Variants in KIF2A observed in about 807,000 individuals in gnomAD.
KIF2A encodes kinesin-like protein KIF2A.
KIF2A carries 22 observed loss-of-function variants against 100.2 expected under a neutral mutation model. The ratio of observed to expected loss-of-function variants is 0.22; its 90% CI spans 0.16 to 0.31. The LOEUF (loss-of-function observed/expected upper bound fraction) is 0.31, where lower values mean the gene tolerates loss of function less well. Among genes scored for constraint, KIF2A ranks in the 10% least tolerant of loss-of-function variants. The pLI is 1.00. For missense variants in KIF2A, 495 were observed against 898.7 expected (o/e 0.55, Z 5.74); for synonymous variants, 268 against 285.9 (o/e 0.94, Z 0.63).
At chr5:62,357,070 C>T (rs186083468) in intron 7 of KIF2A, among the ~76,000 whole-genome samples, 6 of 146,284 alleles carry the variant, frequency 4.1e-5, no homozygotes. Context: ...ACCCACCATG[C>T]CTGGCATCAC....
intron 18 of KIF2A, among the ~76,000 whole-genome samples, chr5:62,376,792 G>C (rs1026756160): frequency 3.9e-5 from 6 of 152,010 alleles, no homozygotes; most frequent in African/African-American, 1.5e-4. Flanking sequence ...CCTGGAATCA[G>C]AGAAGCTCTG....
At chr5:62,384,105 C>T (rs1000107834) in intron 20 of KIF2A, among the ~76,000 whole-genome samples, 1 of 152,076 alleles carries the variant, frequency 6.6e-6, no homozygotes, top group East Asian at 1.9e-4. Context: ...GGCATGGTGG[C>T]ACATGCCTGT....
chr5:62,329,135 C>G (rs558553744), intron 1 of KIF2A, among the ~76,000 whole-genome samples: 6 of 152,086 alleles, frequency 3.9e-5, no homozygotes, highest in Non-Finnish European at 8.8e-5. Flanking sequence ...CTCCTTGTTC[C>G]AAACTTTCAG....
intron 3 of KIF2A, among the ~76,000 whole-genome samples, chr5:62,349,025 C>G (rs1024590562): frequency 1.3e-5 from 2 of 152,012 alleles, no homozygotes; most frequent in Non-Finnish European, 2.9e-5. Context: ...TGCAGTTGAA[C>G]CTGAGGCATA....
intron 2 of KIF2A, 77 bp downstream of exon 2, chr5:62,347,301 T>A: frequency 2.6e-6 from 2 of 767,920 alleles, no homozygotes; most frequent in Non-Finnish European, 4.2e-6. Context: ...GAAAAGTACA[T>A]AATGTTATTT....
intron 1 of KIF2A, 80 bp downstream of exon 1, chr5:62,306,616 C>G: frequency 8.6e-7 from 1 of 1,160,952 alleles, no homozygotes; most frequent in Non-Finnish European, 1.2e-6. Context: ...CGCCGGCCGC[C>G]TCATTGATTG....
chr5:62,307,991 C>G (rs1745396275), intron 1 of KIF2A, among the ~76,000 whole-genome samples: 1 of 152,178 alleles, frequency 6.6e-6, no homozygotes. Flanking sequence ...GCTGTCACGT[C>G]CACGTGCCCC....
rs1309040593 is a variant in KIF2A at position 62,381,215 on chromosome 5, T to C, written c.2111T>C (p.Ile704Thr). The C allele has an allele frequency of 8.1e-6, 13 of 1,612,326 alleles. No homozygotes were observed. The highest frequency in any genetic ancestry group is 1.0e-5 in the Non-Finnish European group (12 of 1,178,524). ...VDSYATQLEA[I>T]LEQKIDILTE... is the part of the protein sequence containing the mutation. ...TCATATGCTACACAACTTGAAGCTA[T>C]TCTTGAGCAAAAAATAGACATTTTA... The change falls in exon 20 of 21, where the codon ATT becomes ACT. Residue 704 changes from isoleucine (I) to threonine (T), a missense_variant. Transcript: ENST00000407818.
intron 18 of KIF2A, among the ~76,000 whole-genome samples, chr5:62,376,370 G>A (rs1053943684): frequency 6.6e-6 from 1 of 152,080 alleles, no homozygotes; most frequent in Non-Finnish European, 1.5e-5. Context: ...AAATGGAACA[G>A]CATCTAAGAC....
intron 1 of KIF2A, among the ~76,000 whole-genome samples, chr5:62,337,360 C>T (rs1377175798): frequency 4.6e-5 from 7 of 151,902 alleles, no homozygotes; most frequent in African/African-American, 9.7e-5. Flanking sequence ...GGTGTGGTGG[C>T]GCGTGCATGT....
intron 3 of KIF2A, 31 bp downstream of exon 3, chr5:62,348,198 C>T (rs1334680934): frequency 6.2e-7 from 1 of 1,611,030 alleles, no homozygotes; most frequent in East Asian, 2.2e-5. Flanking sequence ...GTGCAGGACA[C>T]TGGGAGAGAG....
At position 62,388,135 on chromosome 5, in the gene KIF2A, G is replaced by A. The variant is rs1196691926; in HGVS notation, c.*2566G>A. 6.6e-6 allele frequency: 1 copy of A among 152,026 alleles called. No individual in the cohort carries two copies. The highest frequency in any genetic ancestry group is 2.4e-5 in the African/African-American group (1 of 41,404). 9.4% of individuals were successfully genotyped at this position (152,026 alleles called of 1,614,324 possible). The stretch of plus-strand genomic sequence containing the variant: ...AAAATAGCTTAAAACTAAGCACCAG[G>A]TATATGAAAAAGGAACTGGAAATTT... On this transcript the variant is annotated 3_prime_UTR_variant, in exon 21 of 21. Transcript: ENST00000407818.
chr5:62,328,300 G>A (rs1188867487), intron 1 of KIF2A, among the ~76,000 whole-genome samples: 1 of 141,302 alleles, frequency 7.1e-6, no homozygotes, highest in Non-Finnish European at 1.5e-5. Context: ...TTCATGAAGT[G>A]TTATTTCTAG....
At position 62,347,648 on chromosome 5, in the gene KIF2A, C is replaced by T. The variant is rs558241557; in HGVS notation, c.160-400C>T. On this transcript the variant is annotated intron_variant, in intron 2 of 20. Transcript: ENST00000407818. ...TATTCTTTTTTTTTTGTTTTTGAGA[C>T]AGGGTCTCACTTTGTCACCCAGGCT... Among the ~76,000 whole-genome samples, 5 of 151,698 alleles carry T rather than the reference C, an allele frequency of 3.3e-5. No homozygotes were observed. In the South Asian group the frequency reaches 1.0e-3, roughly 32 times the overall value.
intron 18 of KIF2A, among the ~76,000 whole-genome samples, chr5:62,374,781 G>T (rs1456113949): frequency 6.6e-6 from 1 of 152,134 alleles, no homozygotes; most frequent in Non-Finnish European, 1.5e-5. Flanking sequence ...ACAAAAATTA[G>T]CTGAGCATGG....
rs749509833 is a variant in KIF2A, at chr5:62,373,648, G to A, written c.1761-39G>A. 35 of 1,507,600 alleles carry A rather than the reference G, an allele frequency of 2.3e-5. 2 individuals are homozygous for A. In the South Asian group the frequency reaches 4.0e-4, roughly 17 times the overall value. 93.4% of individuals were successfully genotyped at this position (1,507,600 alleles called of 1,614,324 possible). A position where few individuals can be genotyped will look rare whatever the true frequency, so the allele number is the denominator to read the frequency against. Reference sequence around the variant, plus strand: ...CTGGTATTTTCTCGTTCCTCTGCATGAGTGTTTTTAACTTTAGATACCTCT... The same window carrying A: ...CTGGTATTTTCTCGTTCCTCTGCATAAGTGTTTTTAACTTTAGATACCTCT... On this transcript the variant is annotated intron_variant, in intron 17 of 20. Transcript: ENST00000407818.
intron 1 of KIF2A, among the ~76,000 whole-genome samples, chr5:62,324,231 A>G (rs556696763): frequency 1.3e-5 from 2 of 152,270 alleles, no homozygotes; most frequent in African/African-American, 4.8e-5. Flanking sequence ...AAACAGAAAA[A>G]CATTCCATGA....
intron 16 of KIF2A, among the ~76,000 whole-genome samples, chr5:62,369,303 G>C (rs1741215209): frequency 6.6e-6 from 1 of 152,210 alleles, no homozygotes; most frequent in Non-Finnish European, 1.5e-5. Flanking sequence ...GGCCACAGAG[G>C]CTTCAGGAAA....
intron 2 of KIF2A, 79 bp downstream of exon 2, chr5:62,347,303 A>G (rs1251404482): frequency 1.3e-6 from 1 of 758,930 alleles, no homozygotes; most frequent in Non-Finnish European, 2.1e-6. Flanking sequence ...AAAGTACATA[A>G]TGTTATTTTA....
Sources: gnomAD v4.1 joint callset for allele counts (sites outside exome capture counted in the v4.1 genomes callset) on GRCh38, gnomAD v4.1.1 for gene constraint, MANE v1.5 for transcripts, NCBI Gene and HGNC (gene_info 2026-07-23, HGNC 2026-07-21) for gene names.